The following SAMD13 variants were observed in gnomAD, a reference collection of about 807,000 sequenced individuals.
SAMD13 encodes sterile alpha motif domain-containing protein 13.
Under a neutral mutation model 12.4 loss-of-function variants are expected in SAMD13, and 9 were observed. That is an observed-to-expected ratio of 0.72 (90% CI 0.44 to 1.26). The LOEUF (loss-of-function observed/expected upper bound fraction) is 1.26. Ranked by LOEUF, SAMD13 falls within the 50% of genes most tolerant of loss-of-function variation. The pLI is 0.00. For missense variants in SAMD13, 84 were observed against 119.6 expected, an observed-to-expected ratio of 0.70 and a Z score of 1.39; for synonymous variants, 46 against 45.4, an observed-to-expected ratio of 1.01 and a Z score of -0.05.
intron 3 of SAMD13, among the ~76,000 whole-genome samples, chr1:84,330,838 C>A (rs560587800): frequency 1.3e-5 from 2 of 152,284 alleles, no homozygotes; most frequent in South Asian, 4.1e-4. Flanking sequence ...AACTTACAAG[C>A]AACATTCATG....
At chr1:84,348,415 G>A (rs939455350) in intron 3 of SAMD13, among the ~76,000 whole-genome samples, 1 of 152,130 alleles carries the variant, frequency 6.6e-6, no homozygotes, top group Non-Finnish European at 1.5e-5. Context: ...AGCTACACAC[G>A]GTGTCCCCAT....
Position 84,307,788 on chromosome 1 carries a change from A to G in SAMD13, c.53+4501A>G, listed in dbSNP as rs187989296. On this transcript the variant is annotated intron_variant, in intron 2 of 3. Transcript: ENST00000394834. ...TTTTTTCCCCTTTTACTGTGATAAG[A>G]CCCTTTTTTATATTTTAAGACCCTT... Among the ~76,000 whole-genome samples the G allele has an allele frequency of 1.8e-3, 280 of 152,104 alleles. 6 individuals are homozygous for G. The highest frequency in any genetic ancestry group is 0.017 in the Admixed American group (257 of 15,258).
chr1:84,341,420 G>A (rs1679421926), intron 3 of SAMD13, among the ~76,000 whole-genome samples: 1 of 152,130 alleles, frequency 6.6e-6, no homozygotes, highest in Non-Finnish European at 1.5e-5. Flanking sequence ...GAACAGTTGA[G>A]GTATTCTACT....
At chr1:84,311,332 T>TAAAAAAAAAAA (rs757714939) in intron 2 of SAMD13, among the ~76,000 whole-genome samples, 3 of 112,212 alleles carry the variant, frequency 2.7e-5, no homozygotes, top group African/African-American at 1.0e-4. Flanking sequence ...TGAGACTGTC[T>TAAAAAAAAAAA]AAAAAAAAAA....
At chr1:84,320,472 G>C (rs972376712) in intron 2 of SAMD13, among the ~76,000 whole-genome samples, 1 of 151,944 alleles carries the variant, frequency 6.6e-6, no homozygotes, top group Non-Finnish European at 1.5e-5. Context: ...TTCTCTTTTT[G>C]GGCCTGCCAT....
At chr1:84,340,053 A>T (rs528899598) in intron 3 of SAMD13, among the ~76,000 whole-genome samples, 46 of 152,350 alleles carry the variant, frequency 3.0e-4, no homozygotes, top group Non-Finnish European at 6.0e-4. Context: ...AAACTTAAGC[A>T]TAGCTTTACT....
intron 2 of SAMD13, among the ~76,000 whole-genome samples, chr1:84,317,070 G>A (rs148298870): frequency 1.3e-5 from 2 of 152,164 alleles, no homozygotes; most frequent in African/African-American, 4.8e-5. Flanking sequence ...CAACTTTGCT[G>A]AATTTGTTTA....
rs775677998 is a variant in SAMD13, at chr1:84,303,221, C to G, written c.-14C>G. The G allele has an allele frequency of 1.1e-5, 18 of 1,612,516 alleles. No individual in the cohort carries two copies. The highest frequency in any genetic ancestry group is 1.3e-5 in the Non-Finnish European group (15 of 1,178,852). On this transcript the variant is annotated 5_prime_UTR_variant, in exon 2 of 4. Coordinates refer to ENST00000394834, the MANE Select transcript of SAMD13 (RefSeq NM_001134663.2). ...TGATTAGTTGCTGAAGTAAAGGAACCCTGCAGCCTTCCCATGCTATCTGTT... is the reference window on the plus strand; with the variant it reads ...TGATTAGTTGCTGAAGTAAAGGAACGCTGCAGCCTTCCCATGCTATCTGTT...
intron 2 of SAMD13, 81 bp from the exon 3 acceptor site, chr1:84,325,556 T>C (rs315555): frequency 0.9 from 722,915 of 802,298 alleles, 326,114 homozygotes; most frequent in Middle Eastern, 0.92. Flanking sequence ...GAAAGGCCTG[T>C]CCCAGAAGAC....
chr1:84,301,380 A>T (rs1331184538), upstream of SAMD13, among the ~76,000 whole-genome samples: 1 of 152,244 alleles, frequency 6.6e-6, no homozygotes, highest in African/African-American at 2.4e-5. Flanking sequence ...TTGAAACATG[A>T]CATTCATGCT....
upstream of SAMD13, chr1:84,301,600 G>T: frequency 2.0e-6 from 2 of 985,460 alleles, no homozygotes; most frequent in Non-Finnish European, 1.2e-6. Flanking sequence ...AGTCAGCCAT[G>T]AACCAGAAGG....
chr1:84,325,637 T>C lies in SAMD13; in HGVS notation c.54T>C (p.Asn18=), dbSNP rs1228158046. 6.3e-7 allele frequency: 1 copy of C among 1,596,832 alleles called. No homozygotes were observed. The highest frequency in any genetic ancestry group is 1.7e-5 in the Admixed American group (1 of 59,952). Residue 18 remains asparagine, a splice_region_variant and synonymous_variant, in exon 3 of 4, where the codon AAT becomes AAC. Coordinates refer to ENST00000394834, the MANE Select transcript of SAMD13 (RefSeq NM_001134663.2). The part of the protein sequence containing the change: ...NKENGSVGVK[N]SMENGRPPDP... ...AACTGTCTGGATTTGTGTTTTGCAG[T>C]TCCATGGAAAATGGGAGACCACCTG...
At position 84,309,712 on chromosome 1, in the gene SAMD13, G is replaced by A. The variant is rs533339973; in HGVS notation, c.53+6425G>A. 2.6e-5 allele frequency among the ~76,000 whole-genome samples: 4 copies of A among 152,136 alleles called. No individual in the cohort carries two copies. The South Asian group carries it at 8.3e-4, about 32-fold the overall frequency. On this transcript the variant is annotated intron_variant, in intron 2 of 3. Transcript: ENST00000394834. The stretch of plus-strand genomic sequence containing the variant: ...TTCAATAGTAATAACCAATAAATAA[G>A]AAAAGCACAAACAGAAAAATACCAG...
intron 2 of SAMD13, chr1:84,304,260 C>T (rs1449762860): frequency 1.3e-5 from 2 of 152,080 alleles, no homozygotes; most frequent in African/African-American, 4.8e-5. Context: ...ATGCTGATTA[C>T]CATCCCTAAA....
chr1:84,319,082 A>G (rs1678890052), intron 2 of SAMD13, among the ~76,000 whole-genome samples: 1 of 152,180 alleles, frequency 6.6e-6, no homozygotes, highest in Non-Finnish European at 1.5e-5. Flanking sequence ...TGTTTCTTAT[A>G]TAGTTTCTTT....
chr1:84,312,667 A>G (rs1426135155), intron 2 of SAMD13, among the ~76,000 whole-genome samples: 1 of 152,164 alleles, frequency 6.6e-6, no homozygotes, highest in Non-Finnish European at 1.5e-5. Flanking sequence ...AACTTCAACA[A>G]TAGTACCCTA....
chr1:84,309,598 A>G (rs1232920809), intron 2 of SAMD13, among the ~76,000 whole-genome samples: 3 of 152,186 alleles, frequency 2.0e-5, no homozygotes, highest in South Asian at 2.1e-4. Context: ...TGATTTTGGC[A>G]TGACAATCAC....
At chr1:84,340,554 G>T (rs1487217046) in intron 3 of SAMD13, among the ~76,000 whole-genome samples, 2 of 152,076 alleles carry the variant, frequency 1.3e-5, no homozygotes, top group Non-Finnish European at 2.9e-5. Context: ...GGTCAAAATG[G>T]CATATTTCAT....
At chr1:84,339,805 T>C (rs2101817045) in intron 3 of SAMD13, among the ~76,000 whole-genome samples, 1 of 152,252 alleles carries the variant, frequency 6.6e-6, no homozygotes, top group South Asian at 2.1e-4. Context: ...AGAGTTCTCT[T>C]CTAAGAGAGG....
Sources: gnomAD v4.1 joint callset for allele counts (sites outside exome capture counted in the v4.1 genomes callset) on GRCh38, gnomAD v4.1.1 for gene constraint, MANE v1.5 for transcripts, NCBI Gene and HGNC (gene_info 2026-07-23, HGNC 2026-07-21) for gene names.